Variants in FBN3 observed in about 807,000 individuals in gnomAD.
FBN3 encodes the protein fibrillin 3, also known as fibrillin-3.
Under a neutral mutation model 330.1 loss-of-function variants are expected in FBN3, and 234 were observed. The ratio of observed to expected loss-of-function variants is 0.71; its 90% CI spans 0.64 to 0.79. The LOEUF (loss-of-function observed/expected upper bound fraction) is 0.79, where lower values mean the gene tolerates loss of function less well. Ranked by LOEUF, FBN3 falls within the 30% of genes least tolerant of loss-of-function variation. The pLI, the probability that FBN3 is intolerant of heterozygous loss-of-function variation, is 0.00. For synonymous variants in FBN3, 1,458 were observed against 1,517.3 expected (o/e 0.96, Z 0.91); for missense variants, 3,606 against 3,886.9 (o/e 0.93, Z 1.92).
intron 41 of FBN3, 84 bp from the exon 42 acceptor site, chr19:8,097,498 A>T (rs1408120619): frequency 4.1e-6 from 6 of 1,451,076 alleles, no homozygotes; most frequent in African/African-American, 1.4e-5. Context: ...CTAGCCCTGC[A>T]ATCTGGTTGA....
intron 28 of FBN3, 145 bp from the exon 29 acceptor site, chr19:8,116,944 C>T: frequency 8.4e-7 from 1 of 1,193,508 alleles, no homozygotes; most frequent in South Asian, 1.5e-5. Context: ...TCAAGCAGTT[C>T]TGAGGTTCTT....
intron 13 of FBN3, 25 bp downstream of exon 13, chr19:8,135,936 G>GGGACCCC: frequency 1.5e-6 from 1 of 668,778 alleles, no homozygotes; most frequent in East Asian, 3.9e-5. Flanking sequence ...GGAAGCCCCT[G>GGGACCCC]CCCACCCGCC....
intron 52 of FBN3, 26 bp downstream of exon 52, chr19:8,088,034 C>T (rs1422805148): frequency 6.2e-7 from 1 of 1,614,136 alleles, no homozygotes; most frequent in Non-Finnish European, 8.5e-7. Flanking sequence ...TCACACGGCC[C>T]AGGTCCTGGG....
chr19:8,135,935 T>TTGGGGGGGGGGGGGCGG, intron 13 of FBN3, 26 bp downstream of exon 13: 7 of 1,344,156 alleles, frequency 5.2e-6, no homozygotes, highest in Non-Finnish European at 5.0e-6. Context: ...CGGAAGCCCC[T>TTGGGGGGGGGGGGGCGG]GCCCACCCGC....
At chr19:8,117,850 A>C (rs2082741204) in intron 26 of FBN3, among the ~76,000 whole-genome samples, 1 of 151,934 alleles carries the variant, frequency 6.6e-6, no homozygotes, top group Admixed American at 6.6e-5. Flanking sequence ...CTCACGTGTG[A>C]ACACACTCAC....
rs2083619889 is a variant in FBN3, at chr19:8,149,204, C to T, written c.-18+245G>A. On this transcript the variant is annotated intron_variant, in intron 1 of 63. Transcript: ENST00000600128. This position sits in a 1 kb window ranked among gnomAD's most constrained non-coding sequence, Gnocchi z 5.5. The stretch of plus-strand genomic sequence containing the variant: ...GGCCGCGACCACGCTTGGCTCCGCC[C>T]TCACCTGTGGGGTCAGGGGCCCCGC... Among the ~76,000 whole-genome samples, 1 of 151,886 alleles carries T rather than the reference C, an allele frequency of 6.6e-6. No homozygotes were observed. The highest frequency in any genetic ancestry group is 1.5e-5 in the Non-Finnish European group (1 of 67,932).
intron 3 of FBN3, among the ~76,000 whole-genome samples, chr19:8,146,598 G>T (rs887983883): frequency 1.3e-5 from 2 of 151,100 alleles, no homozygotes; most frequent in Non-Finnish European, 2.9e-5. Flanking sequence ...GAGAGGGTGA[G>T]GCCAGAGAGA....
chr19:8,135,558 ACTT>A (rs995037284), intron 13 of FBN3, among the ~76,000 whole-genome samples: 5 of 135,548 alleles, frequency 3.7e-5, no homozygotes, highest in African/African-American at 1.2e-4. Context: ...CTACACTCGG[ACTT>A]CTTTTTTTTT....
chr19:8,123,900 C>G lies in FBN3; in HGVS notation c.2840G>C (p.Trp947Ser). 1 of 1,613,990 alleles carries G rather than the reference C, an allele frequency of 6.2e-7. No homozygotes were observed. Among genetic ancestry groups the G allele is most frequent in the Non-Finnish European group, 8.5e-7 (1 of 1,180,020 alleles). The change falls in exon 23 of 64, where the codon TGG (tryptophan) becomes TCG (serine). Residue 947 changes from tryptophan (W) to serine (S), a missense_variant. Trp to Ser is a radical substitution (Grantham distance 177). Transcript: ENST00000600128. ...DVCCCSIGAV[W>S]GVECEACPDP... ...CGGGCAGGCCTCGCACTCGACTCCCCACACGGCCCCGATGGAGCAGCAGCA... is the reference window on the plus strand; with the variant it reads ...CGGGCAGGCCTCGCACTCGACTCCCGACACGGCCCCGATGGAGCAGCAGCA...
Position 8,126,580 on chromosome 19 carries a change from C to A in FBN3, c.2442G>T (p.Leu814=), listed in dbSNP as rs768555222. 6.2e-7 allele frequency: 1 copy of A among 1,610,754 alleles called. No homozygotes were observed. The highest frequency in any genetic ancestry group is 2.2e-5 in the East Asian group (1 of 44,876). Residue 814 remains leucine, a synonymous_variant, in exon 20 of 64, where the codon CTG becomes CTT. Coordinates refer to ENST00000600128, the MANE Select transcript of FBN3 (RefSeq NM_032447.5). The stretch of plus-strand genomic sequence containing the variant: ...CCTCACAGCGGCTCTCCTGGATCTT[C>A]AGCCAGCAGGTGCCCTTGGTGCTGT... ...CLDSTKGTCW[L]KIQESRCEVN...
intron 38 of FBN3, among the ~76,000 whole-genome samples, chr19:8,104,107 G>A (rs2082387265): frequency 7.3e-6 from 1 of 137,120 alleles, no homozygotes; most frequent in Non-Finnish European, 1.5e-5. Context: ...CCTGGGTGCA[G>A]AATGAGATCC....
chr19:8,090,898 T>A (rs556161843), intron 48 of FBN3, among the ~76,000 whole-genome samples: 4 of 152,172 alleles, frequency 2.6e-5, no homozygotes, highest in Admixed American at 1.3e-4. Flanking sequence ...CAAAAACCCC[T>A]TCCTGGAGAG....
chr19:8,083,409 T>G (rs748692988), intron 56 of FBN3, 37 bp from the exon 57 acceptor site: 1 of 1,611,494 alleles, frequency 6.2e-7, no homozygotes, highest in Admixed American at 1.7e-5. Flanking sequence ...GCTGGCTGGC[T>G]GCTTCGCGCC....
At chr19:8,146,324 T>A in intron 3 of FBN3, 99 bp from the exon 4 acceptor site, 3 of 959,182 alleles carry the variant, frequency 3.1e-6, no homozygotes, top group Non-Finnish European at 3.2e-6. Flanking sequence ...CAGTGGACGC[T>A]GCTGGTCATC....
chr19:8,135,936 G>GGGTCC, intron 13 of FBN3, 25 bp downstream of exon 13: 1 of 668,778 alleles, frequency 1.5e-6, no homozygotes, highest in South Asian at 1.6e-5. Context: ...GGAAGCCCCT[G>GGGTCC]CCCACCCGCC....
rs766533055 is a variant in FBN3 at position 8,083,805 on chromosome 19, C to CTTTTCT, written c.7088-434_7088-433insAGAAAA. ...TTCCTCCCCAGTCCTACTATTTTTTCTTTTTTTTTTTTTTTGAGACAGAGT... is the reference window on the plus strand; with the variant it reads ...TTCCTCCCCAGTCCTACTATTTTTTCTTTTCTTTTTTTTTTTTTTTTGAGACAGAGT... On this transcript the variant is annotated intron_variant, in intron 56 of 63. Transcript: ENST00000600128. Among the ~76,000 whole-genome samples the CTTTTCT allele has an allele frequency of 2.2e-5, 3 of 134,086 alleles. 1 individual carries two copies. Among genetic ancestry groups the CTTTTCT allele is most frequent in the Admixed American group, 1.5e-4 (2 of 13,192 alleles). 88.0% of individuals were successfully genotyped at this position (134,086 alleles called of 152,430 possible).
intron 37 of FBN3, 50 bp downstream of exon 37, chr19:8,108,120 A>C: frequency 6.5e-7 from 1 of 1,544,332 alleles, no homozygotes; most frequent in South Asian, 1.1e-5. Flanking sequence ...GATGAGAGAA[A>C]AGTCAGTCTC....
chr19:8,133,687 C>T (rs958722607), intron 13 of FBN3, among the ~76,000 whole-genome samples: 5 of 151,838 alleles, frequency 3.3e-5, no homozygotes, highest in African/African-American at 4.8e-5. Context: ...CTCCTGACCT[C>T]GTGATAAGCC....
chr19:8,130,679 A>G lies in FBN3; in HGVS notation c.2044+556T>C, dbSNP rs796806987. On this transcript the variant is annotated intron_variant, in intron 16 of 63. Coordinates refer to ENST00000600128, the MANE Select transcript of FBN3 (RefSeq NM_032447.5). ...GGAAAGGAAAAGAAAAGAAAAGAAA[A>G]GAAAAGAAAAGAAAAGAAAAGAAAA... Among the ~76,000 whole-genome samples the G allele has an allele frequency of 6.2e-3, 615 of 98,530 alleles. 28 individuals carry two copies. Among genetic ancestry groups the G allele is most frequent in the African/African-American group, 0.027 (439 of 15,998 alleles). 64.6% of individuals were successfully genotyped at this position (98,530 alleles called of 152,430 possible).
Sources: gnomAD v4.1 joint callset for allele counts (sites outside exome capture counted in the v4.1 genomes callset) on GRCh38, gnomAD v4.1.1 for gene constraint, Gnocchi (gnomAD v3.1) non-coding constraint, MANE v1.5 for transcripts, NCBI Gene and HGNC (gene_info 2026-07-23, HGNC 2026-07-21) for gene names.